Variants in UMAD1 observed in about 807,000 individuals in gnomAD.
The protein encoded by UMAD1 is UBAP1-MVB12-associated (UMA) domain containing 1.
Under a neutral mutation model 6.1 loss-of-function variants are expected in UMAD1, and 8 were observed. The ratio of observed to expected loss-of-function variants is 1.30; its 90% CI spans 0.76 to 2.35. The LOEUF (loss-of-function observed/expected upper bound fraction) is 2.35, where lower values mean the gene tolerates loss of function less well. Ranked by LOEUF, UMAD1 falls within the 30% of genes most tolerant of loss-of-function variation. UMAD1 has a pLI of 0.00. For missense variants in UMAD1, 130 were observed against 78.4 expected (o/e 1.66, Z -2.49); for synonymous variants, 56 against 31.4 (o/e 1.78, Z -2.61).
chr7:7,670,134 G>C (rs568101661), intron 1 of UMAD1, among the ~76,000 whole-genome samples: 1 of 152,144 alleles, frequency 6.6e-6, no homozygotes, highest in Admixed American at 6.5e-5. Context: ...AAAACAGGTT[G>C]TTTGTTTTCT....
chr7:7,685,184 G>A (rs1375939500), intron 2 of UMAD1, among the ~76,000 whole-genome samples: 1 of 152,028 alleles, frequency 6.6e-6, no homozygotes, highest in Non-Finnish European at 1.5e-5. Context: ...TGTCTTTCTG[G>A]TAATCTTAGT....
rs139522048 is a variant in UMAD1, at chr7:7,816,127, A to G, written c.156+14384A>G. 8.0e-3 allele frequency among the ~76,000 whole-genome samples: 1,221 copies of G among 152,270 alleles called. 18 individuals are homozygous for G. The highest frequency in any genetic ancestry group is 0.026 in the African/African-American group (1,094 of 41,536). ...AATTTTTACAGACGAGGTAGGCAAT[A>G]TTATCTATATATCTTATAGAGGAGG... On this transcript the variant is annotated intron_variant, in intron 3 of 3. Transcript: ENST00000682710.
At chr7:7,846,215 A>G (rs903471315) in intron 3 of UMAD1, among the ~76,000 whole-genome samples, 7 of 152,208 alleles carry the variant, frequency 4.6e-5, no homozygotes, top group African/African-American at 1.7e-4. Context: ...TGACACGTGT[A>G]AAGAATATAT....
chr7:7,814,307 T>C (rs1445997063), intron 3 of UMAD1, among the ~76,000 whole-genome samples: 2 of 152,200 alleles, frequency 1.3e-5, no homozygotes. Flanking sequence ...AAATATTTTG[T>C]TTTTCTTGAG....
intron 3 of UMAD1, among the ~76,000 whole-genome samples, chr7:7,848,300 A>G (rs1413271274): frequency 1.3e-5 from 2 of 152,200 alleles, no homozygotes; most frequent in Non-Finnish European, 2.9e-5. Flanking sequence ...AAAATGACAC[A>G]TGATTAATGT....
intron 2 of UMAD1, among the ~76,000 whole-genome samples, chr7:7,795,555 C>G (rs918329336): frequency 2.0e-5 from 3 of 152,140 alleles, no homozygotes; most frequent in African/African-American, 7.2e-5. Flanking sequence ...GAATGGCTGC[C>G]CCACAGGCAG....
intron 2 of UMAD1, among the ~76,000 whole-genome samples, chr7:7,740,207 C>G (rs144408981): frequency 5.3e-5 from 8 of 152,252 alleles, no homozygotes; most frequent in African/African-American, 1.9e-4. Context: ...CAAAATCTAA[C>G]TTATCAATCA....
rs1303246405 is a variant in UMAD1, at chr7:7,699,574, A to G, written c.82+26121A>G. Among the ~76,000 whole-genome samples the G allele has an allele frequency of 3.3e-5, 5 of 152,182 alleles. No individual in the cohort carries two copies. In the East Asian group the frequency reaches 9.6e-4, roughly 29 times the overall value. On this transcript the variant is annotated intron_variant, in intron 2 of 3. Coordinates refer to ENST00000682710, the MANE Select transcript of UMAD1 (RefSeq NM_001302348.2). The stretch of plus-strand genomic sequence containing the variant: ...ATCCCTAGGGTGGTCCCTGGATGTG[A>G]TGGTCCAATCTGTAAGGTCATCTTG...
chr7:7,685,761 T>A (rs1185744049), intron 2 of UMAD1: 1 of 152,238 alleles, frequency 6.6e-6, no homozygotes, highest in African/African-American at 2.4e-5. Context: ...CTTTCACTCC[T>A]GATCTGAAAA....
chr7:7,729,769 T>A (rs2115190786), intron 2 of UMAD1, among the ~76,000 whole-genome samples: 1 of 152,330 alleles, frequency 6.6e-6, no homozygotes, highest in East Asian at 1.9e-4. Context: ...CCAGTCATTC[T>A]CTGCTGTGGT....
intron 3 of UMAD1, among the ~76,000 whole-genome samples, chr7:7,839,783 G>A (rs1160649530): frequency 6.6e-6 from 1 of 152,148 alleles, no homozygotes; most frequent in African/African-American, 2.4e-5. Flanking sequence ...ATATGTTACA[G>A]TTGCATGTAG....
intron 3 of UMAD1, among the ~76,000 whole-genome samples, chr7:7,828,390 C>T (rs1000764671): frequency 6.6e-6 from 1 of 152,150 alleles, no homozygotes; most frequent in African/African-American, 2.4e-5. Context: ...ATACTCAGGT[C>T]ACATACCTAA....
At chr7:7,738,697 C>T (rs1455703624) in intron 2 of UMAD1, 3 of 152,180 alleles carry the variant, frequency 2.0e-5, no homozygotes, top group African/African-American at 4.8e-5. Context: ...CTCTTGCTTT[C>T]CTATTTTCTG....
At position 7,688,655 on chromosome 7, in the gene UMAD1, A is replaced by G. The variant is rs577333942; in HGVS notation, c.82+15202A>G. 5.9e-5 allele frequency among the ~76,000 whole-genome samples: 9 copies of G among 152,228 alleles called. No homozygotes were observed. The South Asian group carries it at 1.5e-3, about 25-fold the overall frequency. ...TATCATTTATTTGCTTCTTAATCAC[A>G]TGGTATTTTGTAGCAGCTCCTATAT... is the stretch of plus-strand genomic sequence containing the variant. On this transcript the variant is annotated intron_variant, in intron 2 of 3. Transcript: ENST00000682710.
chr7:7,653,143 G>GT (rs1406430238), intron 1 of UMAD1, among the ~76,000 whole-genome samples: 3 of 152,112 alleles, frequency 2.0e-5, no homozygotes, highest in Non-Finnish European at 2.9e-5. Flanking sequence ...CTTTTGCAGG[G>GT]TGTTTTTTCA....
At chr7:7,836,438 G>A (rs1783572056) in intron 3 of UMAD1, among the ~76,000 whole-genome samples, 1 of 151,780 alleles carries the variant, frequency 6.6e-6, no homozygotes, top group Admixed American at 6.6e-5. Flanking sequence ...TATCTTTTCT[G>A]TTTCATGCTA....
chr7:7,686,756 A>T (rs1011515975), intron 2 of UMAD1, among the ~76,000 whole-genome samples: 3 of 152,118 alleles, frequency 2.0e-5, no homozygotes, highest in African/African-American at 7.2e-5. Flanking sequence ...TTATCTTTCC[A>T]TGTGGCCGTT....
At chr7:7,727,566 G>A (rs747989004) in intron 2 of UMAD1, among the ~76,000 whole-genome samples, 3 of 152,200 alleles carry the variant, frequency 2.0e-5, no homozygotes, top group Non-Finnish European at 4.4e-5. Context: ...GGGTGTGTCT[G>A]TGAGCATGTT....
intron 2 of UMAD1, among the ~76,000 whole-genome samples, chr7:7,799,380 T>C (rs1466933000): frequency 1.3e-5 from 2 of 152,196 alleles, no homozygotes; most frequent in Non-Finnish European, 2.9e-5. Flanking sequence ...TCCAGGCAGA[T>C]GTGTTGTGTG....
Sources: gnomAD v4.1 joint callset for allele counts (sites outside exome capture counted in the v4.1 genomes callset) on GRCh38, gnomAD v4.1.1 for gene constraint, MANE v1.5 for transcripts, NCBI Gene and HGNC (gene_info 2026-07-23, HGNC 2026-07-21) for gene names.